Variants in TTC34 observed in about 807,000 individuals in gnomAD.
TTC34 encodes the protein tetratricopeptide repeat domain 34, also known as tetratricopeptide repeat protein 34.
Under a neutral mutation model 40.7 loss-of-function variants are expected in TTC34, and 44 were observed. The observed-to-expected ratio is 1.08, with a 90% CI of 0.85 to 1.39. TTC34 has a LOEUF of 1.39. Among genes scored for constraint, TTC34 ranks in the 40% most tolerant of loss-of-function variants. The pLI is 0.00. For synonymous variants in TTC34, 422 were observed against 398.6 expected, an observed-to-expected ratio of 1.06 and a Z score of -0.70; for missense variants, 884 against 838.0, an observed-to-expected ratio of 1.05 and a Z score of -0.68.
intron 6 of TTC34, among the ~76,000 whole-genome samples, chr1:2,647,032 G>T (rs548941616): frequency 6.6e-6 from 1 of 152,102 alleles, no homozygotes; most frequent in African/African-American, 2.4e-5. Flanking sequence ...GCTGTCATTC[G>T]TGTTGTTGTA....
Position 2,645,587 on chromosome 1 carries a change from G to GGGGA in TTC34, c.2227-25_2227-24insTCCC. On this transcript the variant is annotated intron_variant, in intron 6 of 8. Coordinates refer to ENST00000401095, the Ensembl canonical transcript of TTC34. The surrounding 1 kb of genome is among the most constrained non-coding windows in gnomAD (Gnocchi z 4.7). ...TCCTGCAAGGAGGGAGGGCGGGCGG[G>GGGGA]TGCAGAGTTGTCCTAAGTAGAGAAA... 2 of 229,534 alleles carry GGGGA rather than the reference G, an allele frequency of 8.7e-6. No homozygotes were observed. Among genetic ancestry groups the GGGGA allele is most frequent in the South Asian group, 3.8e-5 (1 of 26,378 alleles). 14.2% of individuals were successfully genotyped at this position (229,534 alleles called of 1,614,324 possible).
intron 8 of TTC34, among the ~76,000 whole-genome samples, chr1:2,643,108 G>A (rs1283068417): frequency 6.6e-6 from 1 of 152,196 alleles, no homozygotes; most frequent in Non-Finnish European, 1.5e-5. Flanking sequence ...CCGAGCAGCT[G>A]TCGGACCCCG....
At chr1:2,687,232 G>A (rs71503035) in intron 6 of TTC34, among the ~76,000 whole-genome samples, 6 of 124,822 alleles carry the variant, frequency 4.8e-5, no homozygotes, top group East Asian at 4.5e-4. Flanking sequence ...ACAGCCTGGA[G>A]CAGCACCCAC....
intron 6 of TTC34, among the ~76,000 whole-genome samples, chr1:2,692,968 A>C (rs1218053214): frequency 9.3e-3 from 222 of 23,916 alleles, no homozygotes; most frequent in Admixed American, 0.013. Flanking sequence ...ATCTGACACC[A>C]TGGAGCAGCA....
intron 6 of TTC34, among the ~76,000 whole-genome samples, chr1:2,702,058 C>T (rs1300309248): frequency 3.8e-5 from 4 of 104,858 alleles, no homozygotes; most frequent in Admixed American, 1.0e-4. Context: ...TGGAACAGAA[C>T]CCCAGGCCTC....
At chr1:2,641,250 G>A in exon 9 of TTC34, 1 of 1,176,128 alleles carries the variant, frequency 8.5e-7, no homozygotes, top group African/African-American at 1.6e-5. Flanking sequence ...AGGGGGTGTG[G>A]AGAGGGCAGG....
rs1323127535 is a variant in TTC34 at position 2,653,290 on chromosome 1, C to T, written c.2227-7727G>A. ...CAACCTGGAACAGCACCCTGCACCC[C>T]CAGGTGAGCATCTGACAGCCTGGAA... On this transcript the variant is annotated intron_variant, in intron 6 of 8. Transcript: ENST00000401095. Among the ~76,000 whole-genome samples the T allele has an allele frequency of 5.9e-4, 86 of 144,558 alleles. No individual in the cohort carries two copies. In the East Asian group the frequency reaches 0.01, roughly 18 times the overall value. The allele number at this position is 144,558 out of a possible 152,430, so 94.8% of individuals were successfully genotyped here. A position where few individuals can be genotyped will look rare whatever the true frequency, so the allele number is the denominator to read the frequency against.
chr1:2,693,277 C>T, intron 6 of TTC34, among the ~76,000 whole-genome samples: 1 of 136,884 alleles, frequency 7.3e-6, no homozygotes, highest in East Asian at 2.2e-4. Flanking sequence ...CCCAGGTGAG[C>T]ATCTGACAGA....
At chr1:2,800,432 A>G (rs529459723) in exon 2 of TTC34, 2 of 398,458 alleles carry the variant, frequency 5.0e-6, no homozygotes, top group Non-Finnish European at 8.9e-6. Flanking sequence ...CTTGCTGTGC[A>G]TGAGAGTCCA....
At chr1:2,755,621 A>T (rs1641478170) in intron 6 of TTC34, among the ~76,000 whole-genome samples, 1 of 122,416 alleles carries the variant, frequency 8.2e-6, no homozygotes, top group Non-Finnish European at 1.6e-5. Flanking sequence ...CAGCACCCAC[A>T]CACCCAGGTG....
chr1:2,688,091 C>A (rs1000148761), intron 6 of TTC34, among the ~76,000 whole-genome samples: 2 of 152,004 alleles, frequency 1.3e-5, no homozygotes, highest in African/African-American at 4.8e-5. Context: ...CCTGCACCCC[C>A]AGGTGCGCAC....
At chr1:2,691,856 C>G (rs200715359) in intron 6 of TTC34, among the ~76,000 whole-genome samples, 1 of 45,942 alleles carries the variant, frequency 2.2e-5, no homozygotes, top group African/African-American at 6.6e-5. Flanking sequence ...CTGGAGCAGC[C>G]CCCACACCCA....
chr1:2,786,324 C>T (rs1158475373), intron 4 of TTC34, among the ~76,000 whole-genome samples: 1 of 152,224 alleles, frequency 6.6e-6, no homozygotes, highest in Non-Finnish European at 1.5e-5. Flanking sequence ...GGAGCTTCTG[C>T]CTGTCTGAGC....
At chr1:2,800,415 T>A (rs1643758792) in exon 2 of TTC34, 4 of 398,358 alleles carry the variant, frequency 1.0e-5, no homozygotes, top group Admixed American at 4.4e-5. Flanking sequence ...CAGCCGCAGC[T>A]CCAGGACTTG....
At chr1:2,675,234 C>T (rs1436895445) in intron 6 of TTC34, among the ~76,000 whole-genome samples, 5 of 128,444 alleles carry the variant, frequency 3.9e-5, no homozygotes, top group Admixed American at 7.9e-5. Flanking sequence ...TGGAACAGCA[C>T]CCACAACCCC....
rs1050362666 is a variant in TTC34, at chr1:2,789,573, G to C, written c.1558C>G (p.Arg520Gly). 12 of 1,483,214 alleles carry C rather than the reference G, an allele frequency of 8.1e-6. No homozygotes were observed. The Admixed American group carries it at 2.7e-4, about 33-fold the overall frequency. 91.9% of individuals were successfully genotyped at this position (1,483,214 alleles called of 1,614,324 possible). Reference sequence around the variant, plus strand: ...CCCTGCGCTCTGGACGGCCCGGCGCGTGGAGATCGCTGCAGCATCCCACGG... The same window carrying C: ...CCCTGCGCTCTGGACGGCCCGGCGCCTGGAGATCGCTGCAGCATCCCACGG... The change falls in exon 3 of 9, where the codon CGC (arginine) becomes GGC (glycine). Residue 520 changes from arginine to glycine, a missense_variant. Physicochemically the swap from Arg to Gly is moderately radical, Grantham distance 125 (BLOSUM62 -2). Transcript: ENST00000401095.
Sources: gnomAD v4.1 joint callset for allele counts (sites outside exome capture counted in the v4.1 genomes callset) on GRCh38, gnomAD v4.1.1 for gene constraint, Gnocchi (gnomAD v3.1) non-coding constraint, MANE v1.5 for transcripts, NCBI Gene and HGNC (gene_info 2026-07-23, HGNC 2026-07-21) for gene names.